ZNF678: variants seen among roughly 807,000 people sequenced by gnomAD.
ZNF678 encodes zinc finger protein 678.
A neutral mutation model predicts 3.0 loss-of-function variants in ZNF678; 5 were observed. That is an observed-to-expected ratio of 1.69 (90% CI 0.88 to 3.56). ZNF678 has a LOEUF of 3.56. Among genes scored for constraint, ZNF678 ranks in the 30% most tolerant of loss-of-function variants. The pLI is 0.00. For synonymous variants in ZNF678, 218 were observed against 199.6 expected (o/e 1.09, Z -0.78); for missense variants, 593 against 605.0 (o/e 0.98, Z 0.21).
At chr1:227,600,293 T>C (rs1657703013) in intron 1 of ZNF678, among the ~76,000 whole-genome samples, 3 of 152,228 alleles carry the variant, frequency 2.0e-5, no homozygotes, top group Non-Finnish European at 4.4e-5. Flanking sequence ...GTCTTTATGA[T>C]AGAATGATTT....
intron 1 of ZNF678, among the ~76,000 whole-genome samples, chr1:227,576,563 G>T (rs565132462): frequency 6.6e-6 from 1 of 152,272 alleles, no homozygotes; most frequent in African/African-American, 2.4e-5. Flanking sequence ...ATGATTGGTT[G>T]TATTTCTGTG....
chr1:227,653,954 T>G (rs1461106441), intron 3 of ZNF678, among the ~76,000 whole-genome samples: 1 of 151,886 alleles, frequency 6.6e-6, no homozygotes, highest in Non-Finnish European at 1.5e-5. Context: ...CAATGTATTG[T>G]TTTTTTGTTT....
intron 1 of ZNF678, among the ~76,000 whole-genome samples, chr1:227,622,497 C>T (rs1658305127): frequency 6.6e-6 from 1 of 152,206 alleles, no homozygotes; most frequent in South Asian, 2.1e-4. Context: ...GAACCATGAT[C>T]ACTCGCGTTT....
Position 227,655,857 on chromosome 1 carries a change from A to G in ZNF678, c.*29A>G, listed in dbSNP as rs1659235642. 9 of 1,528,544 alleles carry G rather than the reference A, an allele frequency of 5.9e-6. No individual in the cohort carries two copies. The highest frequency in any genetic ancestry group is 1.3e-5 in the South Asian group (1 of 74,556). 94.7% of individuals were successfully genotyped at this position (1,528,544 alleles called of 1,614,324 possible). ...CTGCTTCATTATACATGGCTTCACTAATTTCATACTGAATAAAAGTGGTAT... is the reference window on the plus strand; with the variant it reads ...CTGCTTCATTATACATGGCTTCACTGATTTCATACTGAATAAAAGTGGTAT... On this transcript the variant is annotated 3_prime_UTR_variant, in exon 4 of 4. Transcript: ENST00000343776.
Position 227,655,537 on chromosome 1 carries a change from AG to A in ZNF678, c.1288del (p.Glu430ArgfsTer121). The A allele has an allele frequency of 6.2e-7, 1 of 1,612,738 alleles. No individual in the cohort carries two copies. The highest frequency in any genetic ancestry group is 8.5e-7 in the Non-Finnish European group (1 of 1,179,390). On this transcript the variant is annotated frameshift_variant, in exon 4 of 4. Transcript: ENST00000343776. LOFTEE classifies it low-confidence loss of function (END_TRUNC). ...LTSHKRIHTG[E>X]KPYKCKECGK... The stretch of plus-strand genomic sequence containing the variant: ...CTAGCCATAAGAGAATTCATACTGG[AG>A]AGAAACCCTACAAATGTAAAGAATG...
chr1:227,638,769 G>A lies in ZNF678; in HGVS notation c.-163-7775G>A, dbSNP rs191711197. Among the ~76,000 whole-genome samples the A allele has an allele frequency of 5.9e-5, 9 of 152,236 alleles. No individual in the cohort carries two copies. The highest frequency in any genetic ancestry group is 3.9e-4 in the Admixed American group (6 of 15,298). On this transcript the variant is annotated intron_variant, in intron 1 of 3. Transcript: ENST00000343776. This position sits in a 1 kb window ranked among gnomAD's most constrained non-coding sequence, Gnocchi z 4.2. The stretch of plus-strand genomic sequence containing the variant: ...CATGAGGGCAGAACTAAGAAAGAGT[G>A]AGTGAAGGAAAAGGTTACGTGTAGG...
chr1:227,606,173 C>T (rs566218696), intron 1 of ZNF678, among the ~76,000 whole-genome samples: 1 of 152,226 alleles, frequency 6.6e-6, no homozygotes, highest in African/African-American at 2.4e-5. Context: ...GCACCGGTGC[C>T]GGTCTCCGAG....
intron 1 of ZNF678, among the ~76,000 whole-genome samples, chr1:227,608,040 A>G (rs1487291210): frequency 1.3e-5 from 2 of 151,852 alleles, no homozygotes; most frequent in Non-Finnish European, 2.9e-5. Flanking sequence ...TATACAGATT[A>G]TTTTTGATTA....
At chr1:227,649,438 C>T (rs978637588) in intron 2 of ZNF678, among the ~76,000 whole-genome samples, 34 of 152,188 alleles carry the variant, frequency 2.2e-4, no homozygotes, top group African/African-American at 8.2e-4. Context: ...ATGACCTCCA[C>T]CTCCCAGGTT....
At chr1:227,591,889 C>T (rs1294527607) in intron 1 of ZNF678, among the ~76,000 whole-genome samples, 1 of 152,126 alleles carries the variant, frequency 6.6e-6, no homozygotes, top group African/African-American at 2.4e-5. Flanking sequence ...TGTACAAGTC[C>T]AAATTTTAAG....
chr1:227,598,305 G>A (rs1408132211), intron 1 of ZNF678: 5 of 1,110,936 alleles, frequency 4.5e-6, no homozygotes, highest in Non-Finnish European at 5.8e-6. Context: ...GAATAGTCCA[G>A]GAATAATTCT....
intron 1 of ZNF678, among the ~76,000 whole-genome samples, chr1:227,607,952 A>T (rs932200757): frequency 6.6e-6 from 1 of 151,612 alleles, no homozygotes; most frequent in African/African-American, 2.4e-5. Flanking sequence ...GACACAACAA[A>T]TGTTAACTAA....
intron 1 of ZNF678, among the ~76,000 whole-genome samples, chr1:227,624,810 G>T (rs1236607186): frequency 6.6e-6 from 1 of 152,204 alleles, no homozygotes; most frequent in Non-Finnish European, 1.5e-5. Flanking sequence ...CACCTCGCTG[G>T]ATCAGAAGTG....
intron 1 of ZNF678, among the ~76,000 whole-genome samples, chr1:227,627,790 C>T (rs1658452766): frequency 6.6e-6 from 1 of 152,214 alleles, no homozygotes; most frequent in Non-Finnish European, 1.5e-5. Flanking sequence ...TCCATTATCA[C>T]TGGCCACTGC....
Position 227,577,155 on chromosome 1 carries a change from C to T in ZNF678, c.-164+13431C>T, listed in dbSNP as rs556659581. 6.6e-5 allele frequency among the ~76,000 whole-genome samples: 10 copies of T among 152,196 alleles called. No individual in the cohort carries two copies. In the East Asian group the frequency reaches 1.5e-3, roughly 23 times the overall value. On this transcript the variant is annotated intron_variant, in intron 1 of 3. Transcript: ENST00000343776. ...GCATTTCCTAAGGAATGTCTTTCTT[C>T]TGATTATGTGATTGATTTTACAGTA...
intron 1 of ZNF678, among the ~76,000 whole-genome samples, chr1:227,593,862 C>CAT (rs1558136322): frequency 8.7e-5 from 6 of 69,046 alleles, no homozygotes; most frequent in African/African-American, 1.8e-4. Context: ...CCATCCCCCC[C>CAT]CCCCCTTTTT....
chr1:227,645,983 A>G (rs1388280327), intron 1 of ZNF678, among the ~76,000 whole-genome samples: 1 of 152,166 alleles, frequency 6.6e-6, no homozygotes, highest in African/African-American at 2.4e-5. Context: ...TTTGGCCTAT[A>G]TTTTGCTTTG....
In ZNF678 at chr1:227,638,560, G is replaced by A. The variant is rs944297071; in HGVS notation, c.-163-7984G>A. Among the ~76,000 whole-genome samples, 7 of 152,152 alleles carry A rather than the reference G, an allele frequency of 4.6e-5. No individual in the cohort carries two copies. Among genetic ancestry groups the A allele is most frequent in the Non-Finnish European group, 7.4e-5 (5 of 68,024 alleles). On this transcript the variant is annotated intron_variant, in intron 1 of 3. Coordinates refer to ENST00000343776, the MANE Select transcript of ZNF678 (RefSeq NM_001367909.1). This position sits in a 1 kb window ranked among gnomAD's most constrained non-coding sequence, Gnocchi z 4.2. ...GTGTGGTGTTTTGCGCCTAAACAGC[G>A]GGGTTGACTACAGATGGGGGATAAG...
At chr1:227,645,573 A>G (rs1195657277) in intron 1 of ZNF678, among the ~76,000 whole-genome samples, 2 of 152,208 alleles carry the variant, frequency 1.3e-5, no homozygotes, top group Non-Finnish European at 2.9e-5. Context: ...TGACCTGCAA[A>G]ATGAATGTTT....
Sources: allele counts gnomAD v4.1 joint callset (sites outside exome capture counted in the v4.1 genomes callset), GRCh38; gene constraint gnomAD v4.1.1; non-coding constraint Gnocchi (gnomAD v3.1); transcripts MANE v1.5; gene names NCBI Gene and HGNC (gene_info 2026-07-23, HGNC 2026-07-21).